GPHN: variants seen among roughly 807,000 people sequenced by gnomAD.
GPHN encodes gephyrin.
In GPHN, 17 loss-of-function variants were observed where a neutral mutation model predicts 95.5. The ratio of observed to expected loss-of-function variants is 0.18; its 90% CI spans 0.12 to 0.27. The LOEUF is 0.27. Among genes scored for constraint, GPHN ranks in the 10% least tolerant of loss-of-function variants. GPHN has a pLI of 1.00. For missense variants in GPHN, 660 were observed against 978.1 expected (o/e 0.67, Z 4.34); for synonymous variants, 320 against 322.5 (o/e 0.99, Z 0.08).
At chr14:67,411,784 C>A in the GPHN span, among the ~76,000 whole-genome samples, 1 of 152,262 alleles carries the variant, frequency 6.6e-6, no homozygotes, top group Admixed American at 6.5e-5. Flanking sequence ...CTCCATACTG[C>A]GCTAACCAAG....
chr14:66,588,503 T>C (rs1325875157), intron 1 of GPHN, among the ~76,000 whole-genome samples: 2 of 152,016 alleles, frequency 1.3e-5, no homozygotes, highest in African/African-American at 2.4e-5. Flanking sequence ...AAAAGTTAGA[T>C]GAATTGCTAA....
At chr14:67,365,591 A>G in the GPHN span, among the ~76,000 whole-genome samples, 1 of 152,176 alleles carries the variant, frequency 6.6e-6, no homozygotes, top group Non-Finnish European at 1.5e-5. Flanking sequence ...TACTTATTGG[A>G]TGCCTTTTCT....
chr14:67,350,584 T>G, the GPHN span: 12 of 1,590,590 alleles, frequency 7.5e-6, no homozygotes, highest in Non-Finnish European at 9.4e-6. Context: ...TTGTTTTGCT[T>G]CAAAACACCC....
the GPHN span, chr14:67,559,773 G>A: frequency 1.2e-6 from 1 of 864,238 alleles, no homozygotes; most frequent in South Asian, 1.4e-5. Context: ...GCCCCCTACT[G>A]TCTAGGGTGC....
At chr14:67,524,969 C>T in the GPHN span, among the ~76,000 whole-genome samples, 1 of 152,168 alleles carries the variant, frequency 6.6e-6, no homozygotes, top group Non-Finnish European at 1.5e-5. Flanking sequence ...CACACTCTGG[C>T]TCTTGGACTG....
At chr14:66,550,764 A>G (rs563634238) in intron 1 of GPHN, among the ~76,000 whole-genome samples, 3 of 152,174 alleles carry the variant, frequency 2.0e-5, no homozygotes, top group Non-Finnish European at 4.4e-5. Flanking sequence ...AGCTATATAC[A>G]TTGAGGCAAG....
At chr14:67,035,654 C>G (rs989265162) in intron 10 of GPHN, among the ~76,000 whole-genome samples, 3 of 151,728 alleles carry the variant, frequency 2.0e-5, no homozygotes, top group Non-Finnish European at 3.0e-5. Flanking sequence ...GAAACACAAC[C>G]TTGGTGTTCA....
the GPHN span, among the ~76,000 whole-genome samples, chr14:67,694,099 T>G: frequency 6.6e-5 from 10 of 152,184 alleles, no homozygotes; most frequent in African/African-American, 2.2e-4. Flanking sequence ...AGGAGATGCA[T>G]TCTTAAAGAG....
At chr14:67,728,767 G>A in the GPHN span, among the ~76,000 whole-genome samples, 2 of 149,690 alleles carry the variant, frequency 1.3e-5, no homozygotes, top group South Asian at 4.2e-4. Context: ...CTCATGAAAT[G>A]TGCTTGCCAG....
the GPHN span, among the ~76,000 whole-genome samples, chr14:67,300,718 C>G: frequency 2.0e-5 from 3 of 152,002 alleles, no homozygotes; most frequent in Non-Finnish European, 4.4e-5. Flanking sequence ...AAATTTATAA[C>G]CAAGGGGAGT....
chr14:67,146,452 C>T (rs1567404117), intron 18 of GPHN, among the ~76,000 whole-genome samples: 1 of 152,116 alleles, frequency 6.6e-6, no homozygotes, highest in Admixed American at 6.5e-5. Context: ...TTTCTTCGAC[C>T]TACAAAATTA....
intron 10 of GPHN, among the ~76,000 whole-genome samples, chr14:67,056,135 C>T (rs994404726): frequency 1.3e-5 from 2 of 152,214 alleles, no homozygotes; most frequent in Non-Finnish European, 2.9e-5. Context: ...GCTTGGGCAG[C>T]CTGCTTTTAT....
chr14:67,674,989 A>G, the GPHN span, among the ~76,000 whole-genome samples: 1 of 152,126 alleles, frequency 6.6e-6, no homozygotes, highest in African/African-American at 2.4e-5. Flanking sequence ...TGCCAGGTTC[A>G]GCCCGCGCGG....
intron 5 of GPHN, among the ~76,000 whole-genome samples, chr14:66,910,809 T>A (rs2065634564): frequency 6.6e-6 from 1 of 152,022 alleles, no homozygotes; most frequent in South Asian, 2.1e-4. Flanking sequence ...TAAAAAATGC[T>A]AGTTATGGCA....
At chr14:66,731,058 G>T (rs576278258) in intron 2 of GPHN, among the ~76,000 whole-genome samples, 1 of 152,058 alleles carries the variant, frequency 6.6e-6, no homozygotes, top group Non-Finnish European at 1.5e-5. Flanking sequence ...CTTGCCTACC[G>T]CCATGTAAGA....
At chr14:67,274,397 G>C in the GPHN span, among the ~76,000 whole-genome samples, 1 of 151,996 alleles carries the variant, frequency 6.6e-6, no homozygotes, top group Non-Finnish European at 1.5e-5. Context: ...CCCCATTTTT[G>C]TTTTTGTCAG....
chr14:67,103,737 T>C (rs1567336132), intron 13 of GPHN, among the ~76,000 whole-genome samples: 1 of 152,060 alleles, frequency 6.6e-6, no homozygotes, highest in Non-Finnish European at 1.5e-5. Flanking sequence ...ATCCTGCAGC[T>C]GTACTATATT....
intron 18 of GPHN, among the ~76,000 whole-genome samples, chr14:67,144,286 T>TATACACATATATATATATATATATAC (rs1421893686): frequency 1.3e-5 from 1 of 78,126 alleles, no homozygotes; most frequent in South Asian, 4.5e-4. Context: ...TATATATATA[T>TATACACATATATATATATATATATAC]ACACACACAC....
rs577618091 is a variant in GPHN at position 66,802,400 on chromosome 14, T to C, written c.202-22074T>C. 2.6e-4 allele frequency among the ~76,000 whole-genome samples: 39 copies of C among 152,198 alleles called. 1 individual carries two copies. In the South Asian group the frequency reaches 5.4e-3, roughly 21 times the overall value. The stretch of plus-strand genomic sequence containing the variant: ...CTGGCCCAGGGCATGTCCCAGAATG[T>C]CATCCAAGAGGCAGTTCCTGGAAAT... On this transcript the variant is annotated intron_variant, in intron 3 of 22. Coordinates refer to ENST00000478722, the MANE Select transcript of GPHN (RefSeq NM_020806.5).
Sources: gnomAD v4.1 joint callset for allele counts (sites outside exome capture counted in the v4.1 genomes callset) on GRCh38, gnomAD v4.1.1 for gene constraint, MANE v1.5 for transcripts, NCBI Gene and HGNC (gene_info 2026-07-23, HGNC 2026-07-21) for gene names.